PM20D2: variants seen among roughly 807,000 people sequenced by gnomAD.
The protein encoded by PM20D2 is peptidase M20 domain containing 2, also known as xaa-Arg dipeptidase.
In PM20D2, 33 loss-of-function variants were observed where a neutral mutation model predicts 42.9. That is an observed-to-expected ratio of 0.77 (90% CI 0.58 to 1.03). The LOEUF (loss-of-function observed/expected upper bound fraction) is 1.03, where lower values mean the gene tolerates loss of function less well. Among genes scored for constraint, PM20D2 ranks in the 50% least tolerant of loss-of-function variants. The probability of loss-of-function intolerance (pLI) is 0.00; values close to 1 mark genes in which losing one functional copy is unlikely to be tolerated. For synonymous variants in PM20D2, 250 were observed against 228.2 expected, an observed-to-expected ratio of 1.10 and a Z score of -0.86; for missense variants, 548 against 557.0, an observed-to-expected ratio of 0.98 and a Z score of 0.16.
At chr6:89,099,488 G>C in the PM20D2 span, among the ~76,000 whole-genome samples, 1 of 135,040 alleles carries the variant, frequency 7.4e-6, no homozygotes, top group African/African-American at 3.0e-5. Context: ...ATATGTGTGT[G>C]TATATATATA....
chr6:89,157,121 G>A (rs1771076220), intron 4 of PM20D2, among the ~76,000 whole-genome samples: 1 of 151,774 alleles, frequency 6.6e-6, no homozygotes, highest in Non-Finnish European at 1.5e-5. Flanking sequence ...TGTAGAGATA[G>A]GCTCTCCCTG....
the PM20D2 span, among the ~76,000 whole-genome samples, chr6:89,117,017 A>G: frequency 2.9e-4 from 44 of 152,138 alleles, 1 homozygote; most frequent in African/African-American, 1.0e-3. Context: ...GAGAATGTCT[A>G]TTAACACCGT....
the PM20D2 span, among the ~76,000 whole-genome samples, chr6:89,140,650 T>C: frequency 1.3e-5 from 2 of 152,178 alleles, no homozygotes; most frequent in Admixed American, 6.5e-5. Flanking sequence ...GTTACGTCTT[T>C]GCAGTGTTGT....
chr6:89,158,467 A>C lies in PM20D2; in HGVS notation c.1048+7A>C, dbSNP rs757340747. On this transcript the variant is annotated splice_region_variant and intron_variant, in intron 5 of 6. Transcript: ENST00000275072. ...ATGTTGAATGGCCCTTCAGGTAATTAAGTGTTTTTTTATATATTGAGCTAT... is the reference window on the plus strand; with the variant it reads ...ATGTTGAATGGCCCTTCAGGTAATTCAGTGTTTTTTTATATATTGAGCTAT... The C allele has an allele frequency of 6.3e-7, 1 of 1,581,284 alleles. No homozygotes were observed. Among genetic ancestry groups the C allele is most frequent in the Non-Finnish European group, 8.5e-7 (1 of 1,171,864 alleles).
At chr6:89,096,563 A>T in the PM20D2 span, 5 of 152,234 alleles carry the variant, frequency 3.3e-5, no homozygotes, top group Non-Finnish European at 7.3e-5. Flanking sequence ...GTCAGAGGTA[A>T]ATCAAAGGAT....
chr6:89,151,495 T>C (rs1052748236), intron 2 of PM20D2, among the ~76,000 whole-genome samples: 7 of 152,168 alleles, frequency 4.6e-5, no homozygotes, highest in Non-Finnish European at 2.9e-5. Flanking sequence ...CCCAAAGGGC[T>C]GGAATTACAG....
At chr6:89,096,972 G>A in the PM20D2 span, 2 of 152,152 alleles carry the variant, frequency 1.3e-5, no homozygotes, top group African/African-American at 4.8e-5. Context: ...AAGAGTTGTA[G>A]TTTTGAAATA....
chr6:89,159,610 G>C, intron 5 of PM20D2, among the ~76,000 whole-genome samples: 1 of 152,220 alleles, frequency 6.6e-6, no homozygotes, highest in Non-Finnish European at 1.5e-5. Flanking sequence ...AATAGAAAGA[G>C]TGGATACAAG....
chr6:89,126,197 C>T, the PM20D2 span, among the ~76,000 whole-genome samples: 1 of 151,724 alleles, frequency 6.6e-6, no homozygotes, highest in Non-Finnish European at 1.5e-5. Flanking sequence ...AAGTTGGAGA[C>T]CAACCTGGGC....
the PM20D2 span, among the ~76,000 whole-genome samples, chr6:89,133,093 G>T: frequency 1.3e-5 from 2 of 149,802 alleles, no homozygotes; most frequent in African/African-American, 2.5e-5. Context: ...GCCAGGCATG[G>T]TGATGCATGC....
upstream of PM20D2, among the ~76,000 whole-genome samples, chr6:89,145,629 C>CT (rs1216847366): frequency 2.0e-5 from 3 of 152,166 alleles, no homozygotes; most frequent in Non-Finnish European, 4.4e-5. Context: ...AGTACCGAAA[C>CT]TTACGTACAG....
At chr6:89,149,541 T>A in intron 2 of PM20D2, 128 bp downstream of exon 2, 1 of 1,184,288 alleles carries the variant, frequency 8.4e-7, no homozygotes, top group Non-Finnish European at 1.2e-6. Context: ...AATAACAAGA[T>A]GTCTTGATCT....
chr6:89,161,397 A>G (rs1472347557), intron 5 of PM20D2, among the ~76,000 whole-genome samples: 1 of 152,200 alleles, frequency 6.6e-6, no homozygotes, highest in Non-Finnish European at 1.5e-5. Flanking sequence ...CTATTATTTC[A>G]TCGTCAGGTA....
chr6:89,143,555 TA>T (rs1432497296), upstream of PM20D2, among the ~76,000 whole-genome samples: 1 of 152,238 alleles, frequency 6.6e-6, no homozygotes, highest in Non-Finnish European at 1.5e-5. Context: ...TTATACATCT[TA>T]ATACTAAATT....
At chr6:89,110,942 C>A in the PM20D2 span, among the ~76,000 whole-genome samples, 1 of 151,978 alleles carries the variant, frequency 6.6e-6, no homozygotes, top group Non-Finnish European at 1.5e-5. Flanking sequence ...ATAGTGAGAC[C>A]CCCATCTCTA....
At chr6:89,100,797 C>T in the PM20D2 span, among the ~76,000 whole-genome samples, 1 of 152,046 alleles carries the variant, frequency 6.6e-6, no homozygotes, top group Non-Finnish European at 1.5e-5. Flanking sequence ...TAACAGCAAT[C>T]TAGATATAGC....
chr6:89,117,827 T>C, the PM20D2 span: 2 of 1,556,854 alleles, frequency 1.3e-6, no homozygotes, highest in Non-Finnish European at 1.7e-6. Context: ...GTTCACCTGG[T>C]GGCGTCCGCG....
At chr6:89,160,934 C>T (rs1333487771) in intron 5 of PM20D2, among the ~76,000 whole-genome samples, 2 of 150,880 alleles carry the variant, frequency 1.3e-5, no homozygotes, top group Non-Finnish European at 2.9e-5. Flanking sequence ...GCTAGGGCAT[C>T]GAGAGTAGTG....
At chr6:89,104,424 G>A in the PM20D2 span, among the ~76,000 whole-genome samples, 1 of 151,578 alleles carries the variant, frequency 6.6e-6, no homozygotes, top group African/African-American at 2.4e-5. Context: ...TTTTAGTAGA[G>A]GCGGGGTTTC....
Sources: allele counts gnomAD v4.1 joint callset (sites outside exome capture counted in the v4.1 genomes callset), GRCh38; gene constraint gnomAD v4.1.1; transcripts MANE v1.5; gene names NCBI Gene and HGNC (gene_info 2026-07-23, HGNC 2026-07-21).